NOL4: variants seen among roughly 807,000 people sequenced by gnomAD.
NOL4 encodes the protein nucleolar protein 4, also known as cancer/testis antigen 125.
Under a neutral mutation model 75.9 loss-of-function variants are expected in NOL4, and 17 were observed. The ratio of observed to expected loss-of-function variants is 0.22; its 90% CI spans 0.15 to 0.34. The LOEUF (loss-of-function observed/expected upper bound fraction) is 0.34. NOL4 is among the 10% of genes least tolerant of loss of function. The pLI is 1.00. For missense variants in NOL4, 614 were observed against 793.5 expected (o/e 0.77, Z 2.72); for synonymous variants, 292 against 289.9 (o/e 1.01, Z -0.07).
At chr18:33,861,400 G>T (rs1446482734) in intron 10 of NOL4, among the ~76,000 whole-genome samples, 1 of 152,104 alleles carries the variant, frequency 6.6e-6, no homozygotes, top group Non-Finnish European at 1.5e-5. Context: ...CATTTCTTCT[G>T]GATTTTCAAG....
At chr18:34,144,638 G>A (rs2081325758) in intron 1 of NOL4, among the ~76,000 whole-genome samples, 1 of 152,048 alleles carries the variant, frequency 6.6e-6, no homozygotes, top group African/African-American at 2.4e-5. Flanking sequence ...TTGAAGGAAA[G>A]AAAAGTTAGG....
At chr18:34,143,308 G>GT (rs2081264580) in intron 1 of NOL4, among the ~76,000 whole-genome samples, 1 of 152,040 alleles carries the variant, frequency 6.6e-6, no homozygotes, top group African/African-American at 2.4e-5. Flanking sequence ...TAAAAGATGT[G>GT]TAACATATAA....
At chr18:34,043,144 G>A (rs1161606762) in intron 5 of NOL4, among the ~76,000 whole-genome samples, 1 of 152,076 alleles carries the variant, frequency 6.6e-6, no homozygotes, top group Admixed American at 6.6e-5. Context: ...TTTTCTTCAT[G>A]TACTTACAGT....
chr18:34,149,491 G>A (rs2081553496), intron 1 of NOL4, among the ~76,000 whole-genome samples: 1 of 151,570 alleles, frequency 6.6e-6, no homozygotes, highest in South Asian at 2.1e-4. Flanking sequence ...AGCCTAGAAA[G>A]AAAGATTATT....
At chr18:34,111,409 C>T (rs764066619) in intron 2 of NOL4, among the ~76,000 whole-genome samples, 22 of 151,884 alleles carry the variant, frequency 1.4e-4, no homozygotes, top group Middle Eastern at 3.2e-3. Flanking sequence ...GGCTGTGAGG[C>T]CTTTTGGAGG....
chr18:33,914,264 A>T (rs1234100066), intron 9 of NOL4, among the ~76,000 whole-genome samples: 1 of 152,086 alleles, frequency 6.6e-6, no homozygotes, highest in Admixed American at 6.6e-5. Flanking sequence ...TGGGGATAGC[A>T]TTCTAAGTAG....
chr18:33,887,263 T>C (rs2064800170), intron 9 of NOL4, among the ~76,000 whole-genome samples: 1 of 150,786 alleles, frequency 6.6e-6, no homozygotes. Context: ...TACTTTAGAA[T>C]AGCATAATCC....
chr18:34,116,079 T>C (rs2079843007), intron 2 of NOL4, among the ~76,000 whole-genome samples: 1 of 152,144 alleles, frequency 6.6e-6, no homozygotes, highest in Non-Finnish European at 1.5e-5. Context: ...AAATTAGAAG[T>C]AGAAATGACC....
At chr18:33,893,076 G>A (rs915999764) in intron 9 of NOL4, among the ~76,000 whole-genome samples, 31 of 151,874 alleles carry the variant, frequency 2.0e-4, no homozygotes, top group African/African-American at 6.8e-4. Context: ...GATAATGCAC[G>A]GAGTTGTTTT....
intron 5 of NOL4, among the ~76,000 whole-genome samples, chr18:34,044,488 AT>A (rs137962707): frequency 0.083 from 12,669 of 152,084 alleles, 681 homozygotes; most frequent in Non-Finnish European, 0.13. Flanking sequence ...ATAAAAGACA[AT>A]TTTTTGTTAT....
At chr18:34,037,880 C>T (rs1237739557) in intron 5 of NOL4, among the ~76,000 whole-genome samples, 1 of 151,786 alleles carries the variant, frequency 6.6e-6, no homozygotes, top group Non-Finnish European at 1.5e-5. Context: ...GAAACTAAAA[C>T]AAAAAGACAA....
intron 5 of NOL4, among the ~76,000 whole-genome samples, chr18:34,080,991 A>T (rs953943617): frequency 6.6e-6 from 1 of 152,208 alleles, no homozygotes; most frequent in African/African-American, 2.4e-5. Flanking sequence ...AAATTTTCAT[A>T]CCCAGAATAA....
At chr18:33,863,648 G>C (rs1681335595) in intron 10 of NOL4, among the ~76,000 whole-genome samples, 3 of 152,124 alleles carry the variant, frequency 2.0e-5, no homozygotes, top group Admixed American at 2.0e-4. Context: ...CACAGCCTTG[G>C]GCAGCTCCCT....
chr18:33,989,472 T>C (rs924186036), intron 6 of NOL4, among the ~76,000 whole-genome samples: 1 of 152,064 alleles, frequency 6.6e-6, no homozygotes, highest in African/African-American at 2.4e-5. Context: ...GGTTATTGTG[T>C]GGCATTAGAA....
intron 5 of NOL4, among the ~76,000 whole-genome samples, chr18:34,041,721 G>A (rs1262764259): frequency 6.6e-6 from 1 of 151,588 alleles, no homozygotes; most frequent in Admixed American, 6.6e-5. Flanking sequence ...TAGTAGTTGG[G>A]GTGACCGATA....
At chr18:34,035,443 C>T (rs1321850055) in intron 5 of NOL4, among the ~76,000 whole-genome samples, 1 of 151,824 alleles carries the variant, frequency 6.6e-6, no homozygotes, top group African/African-American at 2.4e-5. Flanking sequence ...TATATCAAAA[C>T]TCATGGTACA....
chr18:33,865,306 C>A (rs2063378706), intron 10 of NOL4, among the ~76,000 whole-genome samples: 1 of 152,210 alleles, frequency 6.6e-6, no homozygotes, highest in South Asian at 2.1e-4. Context: ...TGTTTAAAAT[C>A]ATCTCTCGAT....
chr18:34,033,777 G>A (rs1040198104), intron 5 of NOL4, among the ~76,000 whole-genome samples: 6 of 151,854 alleles, frequency 4.0e-5, no homozygotes, highest in Non-Finnish European at 5.9e-5. Flanking sequence ...GATAAATAGG[G>A]AATTCTAAAA....
intron 1 of NOL4, among the ~76,000 whole-genome samples, chr18:34,211,013 G>A (rs1429820103): frequency 6.6e-6 from 1 of 151,894 alleles, no homozygotes; most frequent in African/African-American, 2.4e-5. Context: ...CTTTACGGTG[G>A]AGGTTGCAGT....
Sources: allele counts gnomAD v4.1 joint callset (sites outside exome capture counted in the v4.1 genomes callset), GRCh38; gene constraint gnomAD v4.1.1; transcripts MANE v1.5; gene names NCBI Gene and HGNC (gene_info 2026-07-23, HGNC 2026-07-21).